Variants in SLC36A1 observed in about 807,000 individuals in gnomAD.
SLC36A1 encodes the protein proton-coupled amino acid transporter 1.
SLC36A1 carries 30 observed loss-of-function variants against 47.5 expected under a neutral mutation model. That is an observed-to-expected ratio of 0.63 (90% CI 0.47 to 0.86). SLC36A1 has a LOEUF of 0.86. Among genes scored for constraint, SLC36A1 ranks in the 40% least tolerant of loss-of-function variants. The pLI, the probability that SLC36A1 is intolerant of heterozygous loss-of-function variation, is 0.00. For synonymous variants in SLC36A1, 255 were observed against 249.7 expected (o/e 1.02, Z -0.20); for missense variants, 517 against 606.0 (o/e 0.85, Z 1.54).
the SLC36A1 span, among the ~76,000 whole-genome samples, chr5:151,372,082 A>C: frequency 6.6e-6 from 1 of 152,114 alleles, no homozygotes. Context: ...CTAAAATTCA[A>C]CTCTAAAATC....
chr5:151,446,110 A>G (rs571156656), upstream of SLC36A1, among the ~76,000 whole-genome samples: 6 of 152,182 alleles, frequency 3.9e-5, no homozygotes, highest in African/African-American at 7.2e-5. Flanking sequence ...ATTTATTGCT[A>G]TAAACTTCTC....
At chr5:151,492,720 C>A (rs1760216096), downstream of SLC36A1, among the ~76,000 whole-genome samples, 1 of 152,156 alleles carries the variant, frequency 6.6e-6, no homozygotes. Flanking sequence ...AACACTAATC[C>A]AGGTGTTGCT....
At chr5:151,424,101 G>A in the SLC36A1 span, among the ~76,000 whole-genome samples, 1 of 152,212 alleles carries the variant, frequency 6.6e-6, no homozygotes, top group Non-Finnish European at 1.5e-5. Context: ...AAGACACCAT[G>A]GCAGGCGGGG....
At chr5:151,484,409 T>C (rs559968009) in intron 10 of SLC36A1, among the ~76,000 whole-genome samples, 4 of 152,346 alleles carry the variant, frequency 2.6e-5, no homozygotes, top group Admixed American at 1.3e-4. Flanking sequence ...GGGCAAGCCA[T>C]GTGTTCGAGG....
At chr5:151,479,526 C>G (rs767772340) in intron 10 of SLC36A1, 37 bp downstream of exon 10, 2 of 1,595,648 alleles carry the variant, frequency 1.3e-6, no homozygotes, top group Admixed American at 3.4e-5. Flanking sequence ...CTTGTTTTTC[C>G]CTAAAGGGCA....
chr5:151,527,577 C>G, the SLC36A1 span, among the ~76,000 whole-genome samples: 1 of 152,076 alleles, frequency 6.6e-6, no homozygotes, highest in African/African-American at 2.4e-5. Flanking sequence ...CAATCATTTG[C>G]TGGCAATGAG....
the SLC36A1 span, chr5:151,531,605 G>T: frequency 6.2e-7 from 1 of 1,612,754 alleles, no homozygotes; most frequent in African/African-American, 1.3e-5. This position sits in a 1 kb window ranked among gnomAD's most constrained non-coding sequence, Gnocchi z 5.7. Context: ...GCATCCAGGC[G>T]GAACCTGCCT....
At chr5:151,521,960 A>G in the SLC36A1 span, 4 of 1,614,124 alleles carry the variant, frequency 2.5e-6, no homozygotes, top group Non-Finnish European at 3.4e-6. Flanking sequence ...CCACCCTGGA[A>G]CTCATCCTCT....
chr5:151,483,198 CTTG>C (rs1325817486), intron 10 of SLC36A1, among the ~76,000 whole-genome samples: 1 of 152,208 alleles, frequency 6.6e-6, no homozygotes, highest in East Asian at 1.9e-4. Context: ...GTGCTTTGCT[CTTG>C]TTGTGTATAA....
At chr5:151,438,182 A>G (rs1323303847) in intron 1 of SLC36A1, among the ~76,000 whole-genome samples, 1 of 152,164 alleles carries the variant, frequency 6.6e-6, no homozygotes, top group African/African-American at 2.4e-5. Context: ...ACCACACCAT[A>G]CATTCCACTT....
chr5:151,540,955 G>A, the SLC36A1 span, among the ~76,000 whole-genome samples: 122 of 152,330 alleles, frequency 8.0e-4, no homozygotes, highest in African/African-American at 2.7e-3. Flanking sequence ...TACTTCAAAT[G>A]CCTCCTGTTG....
At chr5:151,345,559 G>A in the SLC36A1 span, among the ~76,000 whole-genome samples, 2 of 152,182 alleles carry the variant, frequency 1.3e-5, no homozygotes, top group Non-Finnish European at 2.9e-5. Flanking sequence ...GAGGGAGAAA[G>A]GGGGTGGAGA....
chr5:151,406,866 C>T, the SLC36A1 span, among the ~76,000 whole-genome samples: 121 of 152,192 alleles, frequency 8.0e-4, 1 homozygote, highest in African/African-American at 2.8e-3. Context: ...CGGGCCCTCG[C>T]GGTGAGTGTT....
At chr5:151,552,535 C>CTA in the SLC36A1 span, among the ~76,000 whole-genome samples, 1 of 152,124 alleles carries the variant, frequency 6.6e-6, no homozygotes, top group African/African-American at 2.4e-5. Context: ...TTCAAAGGGC[C>CTA]TATACATCCT....
At chr5:151,346,951 C>T in the SLC36A1 span, among the ~76,000 whole-genome samples, 1 of 152,208 alleles carries the variant, frequency 6.6e-6, no homozygotes, top group African/African-American at 2.4e-5. Context: ...GATTCTACCT[C>T]TATCCCCAAT....
chr5:151,543,403 A>G, the SLC36A1 span: 1 of 1,614,122 alleles, frequency 6.2e-7, no homozygotes, highest in Non-Finnish European at 8.5e-7. Context: ...TTCATCTGTG[A>G]GGATGATCTT....
At chr5:151,415,980 G>A in the SLC36A1 span, among the ~76,000 whole-genome samples, 1 of 152,160 alleles carries the variant, frequency 6.6e-6, no homozygotes, top group African/African-American at 2.4e-5. Flanking sequence ...GGTGGTGGGT[G>A]CCTGTAATCC....
At chr5:151,434,691 G>T (rs1236493279), upstream of SLC36A1, among the ~76,000 whole-genome samples, 3 of 152,172 alleles carry the variant, frequency 2.0e-5, no homozygotes, top group East Asian at 5.8e-4. Context: ...AGGTAATTAG[G>T]TCATGAGGTA....
At chr5:151,479,713 G>A (rs936083418) in intron 10 of SLC36A1, 2 of 560,760 alleles carry the variant, frequency 3.6e-6, no homozygotes, top group African/African-American at 3.8e-5. Context: ...AGTGGTTTAT[G>A]TATAGATAGG....
Sources: gnomAD v4.1 joint callset for allele counts (sites outside exome capture counted in the v4.1 genomes callset) on GRCh38, gnomAD v4.1.1 for gene constraint, Gnocchi (gnomAD v3.1) non-coding constraint, MANE v1.5 for transcripts, NCBI Gene and HGNC (gene_info 2026-07-23, HGNC 2026-07-21) for gene names.